SEC24D: variants seen among roughly 807,000 people sequenced by gnomAD.
SEC24D encodes SEC24 homolog D, COPII component.
SEC24D carries 69 observed loss-of-function variants against 116.9 expected under a neutral mutation model. The observed-to-expected ratio is 0.59, with a 90% CI of 0.49 to 0.72. SEC24D has a LOEUF of 0.72. Among genes scored for constraint, SEC24D ranks in the 30% least tolerant of loss-of-function variants. The pLI is 0.00. For synonymous variants in SEC24D, 405 were observed against 442.8 expected (o/e 0.91, Z 1.07); for missense variants, 1,131 against 1,264.1 (o/e 0.89, Z 1.60).
chr4:118,757,723 T>G lies in SEC24D; in HGVS notation c.1419A>C (p.Pro473=), dbSNP rs1578404591. 6.2e-7 allele frequency: 1 copy of G among 1,605,182 alleles called. No homozygotes were observed. Among genetic ancestry groups the G allele is most frequent in the Non-Finnish European group, 8.5e-7 (1 of 1,177,284 alleles). ...AAAAAGAATGACGGTTGCCTTACTT[T>G]GGAATTTTTTCCAGCATGGTCTTCA... ...EELKTMLEKI[P]KEEQEETSAI... Residue 473 remains proline, a splice_region_variant and synonymous_variant, in exon 11 of 23, where the codon CCA becomes CCC. Coordinates refer to ENST00000280551, the MANE Select transcript of SEC24D (RefSeq NM_014822.4).
chr4:118,732,980 G>GT (rs2110432278), intron 19 of SEC24D, 68 bp from the exon 20 acceptor site: 2 of 1,323,816 alleles, frequency 1.5e-6, no homozygotes, highest in East Asian at 2.3e-5. Flanking sequence ...AGCTTCATCT[G>GT]TAAGACTGAA....
intron 20 of SEC24D, 133 bp from the exon 21 acceptor site, chr4:118,731,640 T>C (rs1725690483): frequency 1.0e-5 from 7 of 685,348 alleles, no homozygotes; most frequent in African/African-American, 1.8e-5. Context: ...CCAGACTTTA[T>C]TCCAGTCATT....
chr4:118,775,465 C>G lies in SEC24D; in HGVS notation c.1042-7154G>C, dbSNP rs550219368. 3.3e-5 allele frequency among the ~76,000 whole-genome samples: 5 copies of G among 152,004 alleles called. No individual in the cohort carries two copies. In the East Asian group the frequency reaches 9.7e-4, roughly 29 times the overall value. ...ACTGAGAGAGAGAAAGAATTTCAAC[C>G]AGTGAGAACAGCTTAACACAGGAGG... On this transcript the variant is annotated intron_variant, in intron 8 of 22. Coordinates refer to ENST00000280551, the MANE Select transcript of SEC24D (RefSeq NM_014822.4).
rs114080996 is a variant in SEC24D at position 118,766,161 on chromosome 4, C to T, written c.1181-1244G>A. 5.0e-3 allele frequency among the ~76,000 whole-genome samples: 757 copies of T among 152,164 alleles called. 5 individuals are homozygous for T. The highest frequency in any genetic ancestry group is 0.017 in the African/African-American group (726 of 41,514). On this transcript the variant is annotated intron_variant, in intron 9 of 22. Transcript: ENST00000280551. ...GAAATGTAATATGTGAAATGTTTTCCCTTTAAATTTTATTTTATATTCATT... is the reference window on the plus strand; with the variant it reads ...GAAATGTAATATGTGAAATGTTTTCTCTTTAAATTTTATTTTATATTCATT...
Position 118,817,326 on chromosome 4 carries a change from A to G in SEC24D, c.335T>C (p.Ile112Thr), listed in dbSNP as rs776265086. Residue 112 changes from isoleucine to threonine, a missense_variant, in exon 4 of 23, where the codon ATA becomes ACA. Coordinates refer to ENST00000280551, the MANE Select transcript of SEC24D (RefSeq NM_014822.4). ...PSAQSSYPGP[I>T]STSSVTQLGS... ...CAGCTGGGTGACAGATGAAGTGGAT[A>G]TAGGACCTGGATAAGAAGATTGTGC... is the stretch of plus-strand genomic sequence containing the variant. The G allele has an allele frequency of 6.2e-7, 1 of 1,613,884 alleles. No individual in the cohort carries two copies. Among genetic ancestry groups the G allele is most frequent in the Non-Finnish European group, 8.5e-7 (1 of 1,179,844 alleles).
At chr4:118,761,735 C>T (rs1383768653) in intron 10 of SEC24D, among the ~76,000 whole-genome samples, 1 of 152,070 alleles carries the variant, frequency 6.6e-6, no homozygotes, top group African/African-American at 2.4e-5. Flanking sequence ...CTGCCTAGCC[C>T]CTAAAGAAAT....
intron 8 of SEC24D, among the ~76,000 whole-genome samples, chr4:118,776,621 T>G (rs1291106958): frequency 6.6e-6 from 1 of 152,220 alleles, no homozygotes; most frequent in Non-Finnish European, 1.5e-5. Context: ...AAGATCAGCA[T>G]TATTTTTCTT....
chr4:118,776,564 G>A (rs556575832), intron 8 of SEC24D, among the ~76,000 whole-genome samples: 1 of 152,170 alleles, frequency 6.6e-6, no homozygotes, highest in Non-Finnish European at 1.5e-5. Context: ...GGTCTGTTTG[G>A]ATTGGGTTAT....
At chr4:118,742,891 A>G (rs1052539638) in intron 15 of SEC24D, among the ~76,000 whole-genome samples, 2 of 152,128 alleles carry the variant, frequency 1.3e-5, no homozygotes, top group Non-Finnish European at 2.9e-5. Flanking sequence ...GGTCCTCTCC[A>G]TAGGAAGGCA....
intron 2 of SEC24D, 120 bp downstream of exon 2, chr4:118,833,459 T>G: frequency 1.5e-6 from 1 of 680,878 alleles, no homozygotes; most frequent in Non-Finnish European, 2.5e-6. Flanking sequence ...TCCTGTAATC[T>G]CAAGCCATTT....
At chr4:118,743,908 C>T in intron 15 of SEC24D, 80 bp downstream of exon 15, 1 of 1,306,948 alleles carries the variant, frequency 7.7e-7, no homozygotes, top group Non-Finnish European at 1.0e-6. Context: ...CCAGGGAACA[C>T]AGCTTTTTAA....
intron 22 of SEC24D, among the ~76,000 whole-genome samples, chr4:118,728,326 G>A (rs1725508165): frequency 6.6e-6 from 1 of 152,146 alleles, no homozygotes; most frequent in Admixed American, 6.5e-5. Flanking sequence ...AGTTAATACT[G>A]ACTTAAGATA....
chr4:118,762,820 T>C (rs1381001403), intron 10 of SEC24D, among the ~76,000 whole-genome samples: 1 of 152,178 alleles, frequency 6.6e-6, no homozygotes, highest in Non-Finnish European at 1.5e-5. Flanking sequence ...GGGTGAGATT[T>C]CCCATCAATT....
At chr4:118,812,422 AC>A (rs1479861322) in intron 6 of SEC24D, among the ~76,000 whole-genome samples, 2 of 152,012 alleles carry the variant, frequency 1.3e-5, no homozygotes, top group Non-Finnish European at 2.9e-5. Flanking sequence ...GGCCCGCCAT[AC>A]CCCCATCCTG....
intron 1 of SEC24D, among the ~76,000 whole-genome samples, 178 bp from the exon 2 acceptor site, chr4:118,833,915 A>G (rs771714639): frequency 5.9e-5 from 9 of 152,254 alleles, no homozygotes; most frequent in Non-Finnish European, 1.0e-4. Context: ...GGGCCTAACC[A>G]TAGCTCTCTG....
At position 118,732,722 on chromosome 4, in the gene SEC24D, A is replaced by G; in HGVS notation, c.2676+11T>C. On this transcript the variant is annotated intron_variant, in intron 20 of 22. Transcript: ENST00000280551. ...CCTCCTCTGGGAAATGCACCACCCC[A>G]GCATGCTTACTATGGGCAGAAGTTG... The G allele has an allele frequency of 6.2e-7, 1 of 1,612,704 alleles. No homozygotes were observed. Among genetic ancestry groups the G allele is most frequent in the South Asian group, 1.1e-5 (1 of 90,882 alleles).
intron 21 of SEC24D, chr4:118,729,765 A>G (rs1725592241): frequency 6.6e-6 from 1 of 152,222 alleles, no homozygotes; most frequent in African/African-American, 2.4e-5. Context: ...TTGGCCAGAG[A>G]ACATGTGAGT....
chr4:118,796,290 C>T (rs563019283), intron 8 of SEC24D, among the ~76,000 whole-genome samples: 2 of 152,184 alleles, frequency 1.3e-5, no homozygotes, highest in Non-Finnish European at 2.9e-5. Flanking sequence ...TCTGTCAATA[C>T]ATATTGGTCT....
rs192670622 is a variant in SEC24D, at chr4:118,831,255, C to G, written c.118+2324G>C. 1.5e-3 allele frequency among the ~76,000 whole-genome samples: 235 copies of G among 152,258 alleles called. 1 individual carries two copies. Among genetic ancestry groups the G allele is most frequent in the African/African-American group, 5.3e-3 (221 of 41,546 alleles). Reference sequence around the variant, plus strand: ...TGTTGGCCAGGCTGGTCTCAAACTCCGGGCCTCAAGTGATCCACTTGTCTT... The same window carrying G: ...TGTTGGCCAGGCTGGTCTCAAACTCGGGGCCTCAAGTGATCCACTTGTCTT... On this transcript the variant is annotated intron_variant, in intron 2 of 22. Coordinates refer to ENST00000280551, the MANE Select transcript of SEC24D (RefSeq NM_014822.4).
Sources: allele counts gnomAD v4.1 joint callset (sites outside exome capture counted in the v4.1 genomes callset), GRCh38; gene constraint gnomAD v4.1.1; transcripts MANE v1.5; gene names NCBI Gene and HGNC (gene_info 2026-07-23, HGNC 2026-07-21).